Variants in PIAS4 observed in about 807,000 individuals in gnomAD.
PIAS4 encodes protein inhibitor of activated STAT 4.
PIAS4 carries 7 observed loss-of-function variants against 58.0 expected under a neutral mutation model. That is an observed-to-expected ratio of 0.12 (90% CI 0.07 to 0.23). The LOEUF (loss-of-function observed/expected upper bound fraction) is 0.23. Among genes scored for constraint, PIAS4 ranks in the 10% least tolerant of loss-of-function variants. The pLI, the probability that PIAS4 is intolerant of heterozygous loss-of-function variation, is 1.00. For synonymous variants in PIAS4, 364 were observed against 312.4 expected, an observed-to-expected ratio of 1.17 and a Z score of -1.74; for missense variants, 550 against 709.5, an observed-to-expected ratio of 0.78 and a Z score of 2.55.
intron 2 of PIAS4, among the ~76,000 whole-genome samples, chr19:4,021,742 C>CT (rs776416490): frequency 0.093 from 9,728 of 104,158 alleles, 693 homozygotes; most frequent in South Asian, 0.17. Flanking sequence ...TTTTCTTTTT[C>CT]TTTTTTTTTT....
intron 2 of PIAS4, among the ~76,000 whole-genome samples, chr19:4,021,742 CTTTTTTTTTTTTTTTT>C: frequency 9.6e-6 from 1 of 104,078 alleles, no homozygotes; most frequent in South Asian, 3.4e-4. Context: ...TTTTCTTTTT[CTTTTTTTTTTTTTTTT>C]TTTTTGAGAT....
chr19:4,032,975 C>T, intron 7 of PIAS4, 125 bp from the exon 8 acceptor site: 2 of 759,624 alleles, frequency 2.6e-6, no homozygotes, highest in Non-Finnish European at 4.5e-6. Flanking sequence ...CACAGCGAAG[C>T]TTGGGACTCA....
intron 1 of PIAS4, 107 bp from the exon 2 acceptor site, chr19:4,012,816 T>C: frequency 7.8e-7 from 1 of 1,277,378 alleles, no homozygotes; most frequent in Non-Finnish European, 1.1e-6. Flanking sequence ...TGGCGCTTCC[T>C]GGCGAGTGGG....
intron 1 of PIAS4, 104 bp downstream of exon 1, chr19:4,007,891 C>T: frequency 6.7e-6 from 6 of 899,196 alleles, no homozygotes; most frequent in Non-Finnish European, 7.2e-6. Flanking sequence ...CACAGCGCGG[C>T]CGGCCCGCGG....
chr19:4,037,234 C>T lies in PIAS4; in HGVS notation c.1143-140C>T, dbSNP rs1217113261. 6.3e-6 allele frequency: 7 copies of T among 1,104,158 alleles called. No homozygotes were observed. Among genetic ancestry groups the T allele is most frequent in the Non-Finnish European group, 7.6e-6 (6 of 791,192 alleles). 68.4% of individuals were successfully genotyped at this position (1,104,158 alleles called of 1,614,324 possible). A position where few individuals can be genotyped will look rare whatever the true frequency, so the allele number is the denominator to read the frequency against. On this transcript the variant is annotated intron_variant, in intron 9 of 10. Transcript: ENST00000262971. The surrounding 1 kb of genome is among the most constrained non-coding windows in gnomAD (Gnocchi z 5.8). ...GGGGAGGGAATGCGGGGTCCCTGGACCCCTGCGGTCGGGGTGGTGAGGCTG... is the reference window on the plus strand; with the variant it reads ...GGGGAGGGAATGCGGGGTCCCTGGATCCCTGCGGTCGGGGTGGTGAGGCTG...
rs1447051120 is a variant in PIAS4, at chr19:4,013,428, C to T, written c.454+79C>T. 20 of 1,290,368 alleles carry T rather than the reference C, an allele frequency of 1.5e-5. No individual in the cohort carries two copies. The highest frequency in any genetic ancestry group is 7.4e-5 in the African/African-American group (5 of 68,010). 79.9% of individuals were successfully genotyped at this position (1,290,368 alleles called of 1,614,324 possible). A position where few individuals can be genotyped will look rare whatever the true frequency, so the allele number is the denominator to read the frequency against. On this transcript the variant is annotated intron_variant, in intron 2 of 10. Coordinates refer to ENST00000262971, the MANE Select transcript of PIAS4 (RefSeq NM_015897.4). This position sits in a 1 kb window ranked among gnomAD's most constrained non-coding sequence, Gnocchi z 5.1. ...GCCCAGCCCAGCCCAGCCACACAGCCGACTTCGAGTGATGTTCTCTGTGGC... is the reference window on the plus strand; with the variant it reads ...GCCCAGCCCAGCCCAGCCACACAGCTGACTTCGAGTGATGTTCTCTGTGGC...
At chr19:4,012,260 T>C (rs1023846900) in intron 1 of PIAS4, among the ~76,000 whole-genome samples, 1 of 152,086 alleles carries the variant, frequency 6.6e-6, no homozygotes, top group Non-Finnish European at 1.5e-5. Flanking sequence ...CGCCCCTGGC[T>C]TCAGAGCCAG....
chr19:4,009,574 A>G (rs930172566), intron 1 of PIAS4, among the ~76,000 whole-genome samples: 1 of 145,176 alleles, frequency 6.9e-6, no homozygotes, highest in Non-Finnish European at 1.5e-5. Context: ...GCCCCCCCCC[A>G]CCCCAATTAA....
At chr19:4,033,321 TGA>T in intron 8 of PIAS4, 97 bp from the exon 9 acceptor site, 1 of 1,332,198 alleles carries the variant, frequency 7.5e-7, no homozygotes, top group Non-Finnish European at 1.0e-6. Flanking sequence ...GAGGCATGAG[TGA>T]TTGGAGCGAG....
intron 3 of PIAS4, among the ~76,000 whole-genome samples, chr19:4,027,867 T>C (rs544490462): frequency 3.4e-4 from 52 of 152,248 alleles, no homozygotes; most frequent in Non-Finnish European, 7.1e-4. Context: ...ATGCACGTTT[T>C]AGCTATGTTT....
Position 4,028,773 on chromosome 19 carries a change from C to T in PIAS4, c.726C>T (p.Pro242=). 6.2e-7 allele frequency: 1 copy of T among 1,613,556 alleles called. No homozygotes were observed. Among genetic ancestry groups the T allele is most frequent in the Non-Finnish European group, 8.5e-7 (1 of 1,179,920 alleles). The change falls in exon 6 of 11, where the codon CCC becomes CCT. Residue 242 remains proline, a synonymous_variant. Transcript: ENST00000262971. Reference sequence around the variant, plus strand: ...TGGAGCCCAAGAGGCCGTGCCGCCCCATCAACCTCACCCACCTCATGTACC... The same window carrying T: ...TGGAGCCCAAGAGGCCGTGCCGCCCTATCAACCTCACCCACCTCATGTACC... The part of the protein sequence containing the change: ...PGVEPKRPCR[P]INLTHLMYLS...
chr19:4,017,027 C>T (rs1375066666), intron 2 of PIAS4, among the ~76,000 whole-genome samples: 1 of 152,164 alleles, frequency 6.6e-6, no homozygotes, highest in Non-Finnish European at 1.5e-5. Context: ...AGGCCTGCTG[C>T]CCGCCCAGGC....
chr19:4,015,047 T>C (rs2040037764), intron 2 of PIAS4, among the ~76,000 whole-genome samples: 1 of 152,202 alleles, frequency 6.6e-6, no homozygotes, highest in Non-Finnish European at 1.5e-5. Flanking sequence ...AGGAGGTGTC[T>C]AGCAGCAGCC....
At chr19:4,008,168 C>T (rs1391791185) in intron 1 of PIAS4, among the ~76,000 whole-genome samples, 3 of 152,156 alleles carry the variant, frequency 2.0e-5, no homozygotes, top group African/African-American at 4.8e-5. Context: ...GGTTCCGAGC[C>T]GGGGTCCTTG....
At chr19:4,031,496 C>T (rs1599230479) in intron 7 of PIAS4, among the ~76,000 whole-genome samples, 1 of 152,208 alleles carries the variant, frequency 6.6e-6, no homozygotes, top group African/African-American at 2.4e-5. Context: ...CTGGGTTACC[C>T]CGCCCCACCT....
In PIAS4 at chr19:4,038,903, TC is replaced by T. The variant is rs997630292; in HGVS notation, c.*1030del. On this transcript the variant is annotated 3_prime_UTR_variant, in exon 11 of 11. Coordinates refer to ENST00000262971, the MANE Select transcript of PIAS4 (RefSeq NM_015897.4). The surrounding 1 kb of genome is among the most constrained non-coding windows in gnomAD (Gnocchi z 4.1). ...CCCTGTCCCCCGGGAGCCTCACTCT[TC>T]CAGCAGGACCAGACCAGGGGCCTCC... 3 of 152,638 alleles carry T rather than the reference TC, an allele frequency of 2.0e-5. No homozygotes were observed. The highest frequency in any genetic ancestry group is 7.2e-5 in the African/African-American group (3 of 41,558). The allele number at this position is 152,638 out of a possible 1,614,324, so 9.5% of individuals were successfully genotyped here. A position where few individuals can be genotyped will look rare whatever the true frequency, so the allele number is the denominator to read the frequency against.
intron 1 of PIAS4, among the ~76,000 whole-genome samples, 164 bp downstream of exon 1, chr19:4,007,951 G>GGGGGGCGGGGAGGCC (rs1409743366): frequency 6.6e-6 from 1 of 151,156 alleles, no homozygotes; most frequent in East Asian, 2.0e-4. Context: ...GGGTGAGGGC[G>GGGGGGCGGGGAGGCC]GGGGGCGGGG....
intron 1 of PIAS4, among the ~76,000 whole-genome samples, chr19:4,010,831 C>T (rs908633725): frequency 2.6e-5 from 4 of 152,226 alleles, no homozygotes; most frequent in Admixed American, 6.5e-5. Context: ...TTTACAGTCA[C>T]GGGGCCCCGC....
rs373446333 is a variant in PIAS4, at chr19:4,035,404, G to A, written c.1142+1824G>A. On this transcript the variant is annotated intron_variant, in intron 9 of 10. Coordinates refer to ENST00000262971, the MANE Select transcript of PIAS4 (RefSeq NM_015897.4). ...GAGACTGAGGCCCTTTGGCTAAGACGGGTTGGGGAGCAGAACCAGGGCCTG... is the reference window on the plus strand; with the variant it reads ...GAGACTGAGGCCCTTTGGCTAAGACAGGTTGGGGAGCAGAACCAGGGCCTG... 2.0e-5 allele frequency among the ~76,000 whole-genome samples: 3 copies of A among 152,250 alleles called. No individual in the cohort carries two copies. The East Asian group carries it at 5.8e-4, about 29-fold the overall frequency.
Sources: allele counts gnomAD v4.1 joint callset (sites outside exome capture counted in the v4.1 genomes callset), GRCh38; gene constraint gnomAD v4.1.1; non-coding constraint Gnocchi (gnomAD v3.1); transcripts MANE v1.5; gene names NCBI Gene and HGNC (gene_info 2026-07-23, HGNC 2026-07-21).